Variants in LRP6 observed in about 807,000 individuals in gnomAD.
LRP6 encodes the protein low-density lipoprotein receptor-related protein 6.
In LRP6, 43 loss-of-function variants were observed where a neutral mutation model predicts 184.1. The observed-to-expected ratio is 0.23, with a 90% CI of 0.18 to 0.30. LRP6 has a LOEUF of 0.30. Among genes scored for constraint, LRP6 ranks in the 10% least tolerant of loss-of-function variants. LRP6 has a pLI of 1.00. For synonymous variants in LRP6, 719 were observed against 684.9 expected, an observed-to-expected ratio of 1.05 and a Z score of -0.78; for missense variants, 1,571 against 2,005.3, an observed-to-expected ratio of 0.78 and a Z score of 4.14.
intron 15 of LRP6, among the ~76,000 whole-genome samples, chr12:12,141,306 G>A (rs900073811): frequency 1.3e-5 from 2 of 152,034 alleles, no homozygotes; most frequent in Non-Finnish European, 2.9e-5. Context: ...AAAAGCTTCT[G>A]GAGGAAAAAG....
At chr12:12,198,613 A>C (rs1863832912) in intron 3 of LRP6, among the ~76,000 whole-genome samples, 1 of 145,784 alleles carries the variant, frequency 6.9e-6, no homozygotes, top group Non-Finnish European at 1.5e-5. Context: ...GGCTCACTGC[A>C]ACCTCTGCCT....
At chr12:12,135,830 T>A (rs1949830257) in intron 16 of LRP6, among the ~76,000 whole-genome samples, 3 of 152,224 alleles carry the variant, frequency 2.0e-5, no homozygotes, top group East Asian at 1.9e-4. Flanking sequence ...TATTTTAAGA[T>A]AATGGTAAAG....
In LRP6 at chr12:12,181,222, G is replaced by A; in HGVS notation, c.1194C>T (p.Val398=). Residue 398 remains valine (V), a synonymous_variant, in exon 6 of 23, where the codon GTC becomes GTT. Transcript: ENST00000261349. ...FIDGSGSQFV[V]TAQIAHPDGI... ...CATCAGGATGGGCAATTTGAGCAGTGACCACAAACTGACTGCCAGATCCAT... is the reference window on the plus strand; with the variant it reads ...CATCAGGATGGGCAATTTGAGCAGTAACCACAAACTGACTGCCAGATCCAT... 2 of 1,614,138 alleles carry A rather than the reference G, an allele frequency of 1.2e-6. No individual in the cohort carries two copies. The highest frequency in any genetic ancestry group is 1.7e-6 in the Non-Finnish European group (2 of 1,179,994).
intron 18 of LRP6, among the ~76,000 whole-genome samples, chr12:12,131,096 C>CTTT (rs1949746766): frequency 1.4e-4 from 15 of 105,338 alleles, no homozygotes; most frequent in African/African-American, 4.8e-4. Context: ...AATTTCCTAA[C>CTTT]ATTTTTTTTT....
At position 12,119,562 on chromosome 12, in the gene LRP6, A is replaced by ACAGCAGGT; in HGVS notation, c.*1556_*1563dup. The ACAGCAGGT allele has an allele frequency of 6.6e-6, 1 of 152,300 alleles. No homozygotes were observed. The highest frequency in any genetic ancestry group is 2.1e-4 in the South Asian group (1 of 4,824). The allele number at this position is 152,300 out of a possible 1,614,324, so 9.4% of individuals were successfully genotyped here. A position where few individuals can be genotyped will look rare whatever the true frequency, so the allele number is the denominator to read the frequency against. ...TGTAGCAGCCCCAGTACCATACATGACAGCAGGTCAGGCAGATCACAAAAG... is the reference window on the plus strand; with the variant it reads ...TGTAGCAGCCCCAGTACCATACATGACAGCAGGTCAGCAGGTCAGGCAGATCACAAAAG... On this transcript the variant is annotated 3_prime_UTR_variant, in exon 23 of 23. Transcript: ENST00000261349.
intron 2 of LRP6, among the ~76,000 whole-genome samples, chr12:12,212,956 C>T (rs993003001): frequency 6.6e-6 from 1 of 152,060 alleles, no homozygotes; most frequent in East Asian, 1.9e-4. Context: ...GGGACAAATG[C>T]CAAAGAAATG....
At chr12:12,213,723 G>C (rs1864269629) in intron 2 of LRP6, among the ~76,000 whole-genome samples, 1 of 151,874 alleles carries the variant, frequency 6.6e-6, no homozygotes, top group African/African-American at 2.4e-5. Context: ...AATTCTTCTA[G>C]TATGACGTCC....
At chr12:12,164,976 G>A in intron 8 of LRP6, 103 bp downstream of exon 8, 3 of 548,328 alleles carry the variant, frequency 5.5e-6, no homozygotes, top group South Asian at 2.0e-5. Flanking sequence ...CAGTAAAGAA[G>A]GTTTCAAAAT....
intron 4 of LRP6, among the ~76,000 whole-genome samples, chr12:12,184,912 GAACATGAAAGATAAAAGTAACC>G (rs1037078831): frequency 6.6e-6 from 1 of 152,060 alleles, no homozygotes; most frequent in African/African-American, 2.4e-5. Flanking sequence ...GAGACCAATG[GAACATGAAAGATAAAAGTAACC>G]AACATGAAAG....
intron 6 of LRP6, 57 bp downstream of exon 6, chr12:12,180,986 G>A: frequency 1.3e-6 from 2 of 1,587,996 alleles, no homozygotes; most frequent in Non-Finnish European, 1.7e-6. Context: ...AATGTTTTCA[G>A]GAACCTGTGA....
At chr12:12,253,037 G>C (rs938108574) in intron 1 of LRP6, among the ~76,000 whole-genome samples, 1 of 152,186 alleles carries the variant, frequency 6.6e-6, no homozygotes, top group Admixed American at 6.5e-5. Flanking sequence ...GCTGATGCAG[G>C]TTGATCACCT....
intron 2 of LRP6, among the ~76,000 whole-genome samples, chr12:12,208,020 C>G (rs1169706517): frequency 6.6e-6 from 1 of 152,148 alleles, no homozygotes; most frequent in Non-Finnish European, 1.5e-5. Context: ...ACAACAATGG[C>G]AACAAGCCCA....
At chr12:12,245,627 A>T (rs1285151276) in intron 1 of LRP6, among the ~76,000 whole-genome samples, 1 of 152,232 alleles carries the variant, frequency 6.6e-6, no homozygotes, top group Non-Finnish European at 1.5e-5. Flanking sequence ...AATAGTTCTT[A>T]GTAAAGCTAC....
intron 2 of LRP6, among the ~76,000 whole-genome samples, chr12:12,206,791 G>T (rs1264442577): frequency 6.6e-6 from 1 of 151,686 alleles, no homozygotes; most frequent in African/African-American, 2.4e-5. Flanking sequence ...GAGGTGAAAT[G>T]ACTGGCTTTG....
Position 12,255,421 on chromosome 12 carries a change from T to TAA in LRP6, c.56-10768_56-10767dup, listed in dbSNP as rs34525701. Among the ~76,000 whole-genome samples the TAA allele has an allele frequency of 2.7e-3, 392 of 146,478 alleles. 2 individuals carry two copies. Among genetic ancestry groups the TAA allele is most frequent in the African/African-American group, 7.9e-3 (307 of 39,048 alleles). ...TAGCCCTGCTTACTTCTCCTTTCTA[T>TAA]AAAAAAAAAAAAAGCCTTTTTCGGT... On this transcript the variant is annotated intron_variant, in intron 1 of 22. Coordinates refer to ENST00000261349, the MANE Select transcript of LRP6 (RefSeq NM_002336.3).
chr12:12,135,479 C>CATTATTATT lies in LRP6; in HGVS notation c.3608-188_3608-180dup, dbSNP rs35053686. ...TATTATGGACTTTTTTTACTTTTAT[C>CATTATTATT]ATTATTATTATTATTATTATTATTA... On this transcript the variant is annotated intron_variant, in intron 16 of 22. Coordinates refer to ENST00000261349, the MANE Select transcript of LRP6 (RefSeq NM_002336.3). Among the ~76,000 whole-genome samples, 6,508 of 144,126 alleles carry CATTATTATT rather than the reference C, an allele frequency of 0.045. 181 individuals are homozygous for CATTATTATT. The highest frequency in any genetic ancestry group is 0.059 in the Non-Finnish European group (3,906 of 66,076). 94.6% of individuals were successfully genotyped at this position (144,126 alleles called of 152,430 possible).
chr12:12,249,114 G>A (rs1236864802), intron 1 of LRP6: 10 of 704,468 alleles, frequency 1.4e-5, no homozygotes, highest in East Asian at 1.0e-4. Context: ...TGATAAAGAC[G>A]TGACACTTAC....
chr12:12,140,477 G>A (rs1192904649), intron 15 of LRP6, among the ~76,000 whole-genome samples: 1 of 151,630 alleles, frequency 6.6e-6, no homozygotes, highest in Admixed American at 6.6e-5. Flanking sequence ...AATTATCAAA[G>A]AAACAACACA....
intron 3 of LRP6, 25 bp downstream of exon 3, chr12:12,203,177 GT>G: frequency 1.3e-6 from 2 of 1,553,504 alleles, no homozygotes; most frequent in Non-Finnish European, 1.7e-6. Flanking sequence ...TTTCTTAAAA[GT>G]TTTTTCTAAT....
Sources: allele counts gnomAD v4.1 joint callset (sites outside exome capture counted in the v4.1 genomes callset), GRCh38; gene constraint gnomAD v4.1.1; transcripts MANE v1.5; gene names NCBI Gene and HGNC (gene_info 2026-07-23, HGNC 2026-07-21).